GLB1: variants seen among roughly 807,000 people sequenced by gnomAD.
GLB1 encodes galactosidase beta 1.
GLB1 carries 56 observed loss-of-function variants against 74.0 expected under a neutral mutation model. The observed-to-expected ratio is 0.76, with a 90% CI of 0.61 to 0.94. The LOEUF is 0.94. Among genes scored for constraint, GLB1 ranks in the 40% least tolerant of loss-of-function variants. The probability of loss-of-function intolerance (pLI) is 0.00; values close to 1 mark genes in which losing one functional copy is unlikely to be tolerated. For synonymous variants in GLB1, 323 were observed against 323.6 expected, an observed-to-expected ratio of 1.00 and a Z score of 0.02; for missense variants, 787 against 845.5, an observed-to-expected ratio of 0.93 and a Z score of 0.86.
At chr3:33,029,335 A>G (rs1053734965) in intron 10 of GLB1, among the ~76,000 whole-genome samples, 2 of 152,230 alleles carry the variant, frequency 1.3e-5, no homozygotes, top group Non-Finnish European at 2.9e-5. Flanking sequence ...GGAATCCACT[A>G]GATTCAATGG....
At position 33,048,601 on chromosome 3, in the gene GLB1, C is replaced by A. The variant is rs567401792; in HGVS notation, c.956-2369G>T. Among the ~76,000 whole-genome samples, 214 of 152,298 alleles carry A rather than the reference C, an allele frequency of 1.4e-3. 1 individual carries two copies. Among genetic ancestry groups the A allele is most frequent in the African/African-American group, 5.1e-3 (211 of 41,576 alleles). ...CACTCCTGATGCCTTTCTCTCCCTGCTCTCCTCTAGGAAGCTGGCCTGAAG... is the reference window on the plus strand; with the variant it reads ...CACTCCTGATGCCTTTCTCTCCCTGATCTCCTCTAGGAAGCTGGCCTGAAG... On this transcript the variant is annotated intron_variant, in intron 9 of 15. Transcript: ENST00000307363.
At chr3:32,961,959 G>A in the GLB1 span, among the ~76,000 whole-genome samples, 1 of 152,338 alleles carries the variant, frequency 6.6e-6, no homozygotes, top group Admixed American at 6.5e-5. Flanking sequence ...ACTTTGGGAG[G>A]CCAAGGCAGG....
intron 14 of GLB1, among the ~76,000 whole-genome samples, chr3:33,014,754 G>A (rs1167138403): frequency 6.6e-6 from 1 of 152,168 alleles, no homozygotes; most frequent in African/African-American, 2.4e-5. Flanking sequence ...ATCACTTGAG[G>A]TTAGGAGTTC....
chr3:33,039,532 A>G (rs1698419106), intron 10 of GLB1, among the ~76,000 whole-genome samples: 1 of 152,172 alleles, frequency 6.6e-6, no homozygotes, highest in African/African-American at 2.4e-5. Flanking sequence ...TGAAAAGAGG[A>G]TTAATAAACT....
intron 15 of GLB1, among the ~76,000 whole-genome samples, chr3:33,010,310 G>A (rs1019078220): frequency 2.6e-5 from 4 of 151,940 alleles, no homozygotes; most frequent in Non-Finnish European, 2.9e-5. Context: ...TTTCATTTTG[G>A]TTTTGACTTG....
chr3:33,078,791 C>G (rs4613407), intron 1 of GLB1, among the ~76,000 whole-genome samples: 1 of 151,994 alleles, frequency 6.6e-6, no homozygotes. Flanking sequence ...TCAGTGTGAA[C>G]CTGGTTTGGA....
Position 33,045,517 on chromosome 3 carries a change from C to T in GLB1, c.1068+603G>A, listed in dbSNP as rs527866691. On this transcript the variant is annotated intron_variant, in intron 10 of 15. Coordinates refer to ENST00000307363, the MANE Select transcript of GLB1 (RefSeq NM_000404.4). ...AAAGGAAAATAGTTTATCTTCTTCTCTCTTGCAAATAAGGACGGAGTTATT... is the reference window on the plus strand; with the variant it reads ...AAAGGAAAATAGTTTATCTTCTTCTTTCTTGCAAATAAGGACGGAGTTATT... 1.7e-3 allele frequency: 1,718 copies of T among 988,288 alleles called. 1 individual carries two copies. Among genetic ancestry groups the T allele is most frequent in the Non-Finnish European group, 1.9e-3 (1,609 of 831,610 alleles). 61.2% of individuals were successfully genotyped at this position (988,288 alleles called of 1,614,324 possible).
At chr3:32,996,197 G>A (rs1159372289), downstream of GLB1, among the ~76,000 whole-genome samples, 1 of 152,116 alleles carries the variant, frequency 6.6e-6, no homozygotes, top group East Asian at 1.9e-4. Context: ...CTCAACAAAT[G>A]AGAGCTACTG....
intron 5 of GLB1, among the ~76,000 whole-genome samples, chr3:33,061,181 C>A (rs993726448): frequency 1.3e-5 from 2 of 152,072 alleles, no homozygotes; most frequent in Non-Finnish European, 2.9e-5. Flanking sequence ...GAGGCTGAGG[C>A]GGGTGGATCA....
In GLB1 at chr3:32,997,264, C is replaced by G; in HGVS notation, c.1815G>C (p.Gln605His). ...TTGGGGCCGAGGTCATCAGGATGTGCTGGGGCACAAACAAGGTCAACTGAG... is the reference window on the plus strand; with the variant it reads ...TTGGGGCCGAGGTCATCAGGATGTGGTGGGGCACAAACAAGGTCAACTGAG... ...RGPQLTLFVPQHILMTSAPNT... is the reference protein window; with the variant it reads ...RGPQLTLFVPHHILMTSAPNT... Residue 605 changes from glutamine (Q) to histidine (H), a missense_variant, in exon 16 of 16, where the codon CAG becomes CAC. By Grantham distance (24) the Gln-to-His change is conservative. Transcript: ENST00000307363. 1 of 1,614,190 alleles carries G rather than the reference C, an allele frequency of 6.2e-7. No homozygotes were observed. The highest frequency in any genetic ancestry group is 8.5e-7 in the Non-Finnish European group (1 of 1,180,038).
intron 10 of GLB1, among the ~76,000 whole-genome samples, chr3:33,025,622 CCG>C (rs1280370496): frequency 6.6e-6 from 1 of 150,612 alleles, no homozygotes; most frequent in East Asian, 2.0e-4. Flanking sequence ...AGGTCGTGGG[CCG>C]TGGCGGTGGG....
Position 32,999,199 on chromosome 3 carries a change from T to C in GLB1, c.1735-1855A>G, listed in dbSNP as rs575535584. ...CACAGTTCTCAGAACTATTTCACTC[T>C]TGTTTTTACCCTGGGATATGTTATC... On this transcript the variant is annotated intron_variant, in intron 15 of 15. Transcript: ENST00000307363. 7.9e-5 allele frequency among the ~76,000 whole-genome samples: 12 copies of C among 152,362 alleles called. No homozygotes were observed. In the South Asian group the frequency reaches 2.3e-3, roughly 29 times the overall value.
chr3:33,017,724 G>A (rs1697292390), intron 13 of GLB1, among the ~76,000 whole-genome samples: 1 of 152,142 alleles, frequency 6.6e-6, no homozygotes, highest in African/African-American at 2.4e-5. Context: ...TCTCATGTAG[G>A]ATAAAGGCAC....
chr3:33,084,099 A>G (rs558810266), intron 1 of GLB1, among the ~76,000 whole-genome samples: 13 of 152,148 alleles, frequency 8.5e-5, no homozygotes, highest in African/African-American at 2.6e-4. Flanking sequence ...AGCACCCTAC[A>G]CACCCCTACA....
chr3:32,966,976 C>T, the GLB1 span, among the ~76,000 whole-genome samples: 10 of 152,228 alleles, frequency 6.6e-5, no homozygotes, highest in African/African-American at 9.6e-5. Flanking sequence ...ATAAATTACC[C>T]GGTCTCTGGT....
chr3:33,025,926 TG>T (rs1697728277), intron 10 of GLB1, among the ~76,000 whole-genome samples: 2 of 152,098 alleles, frequency 1.3e-5, no homozygotes, highest in Non-Finnish European at 2.9e-5. Context: ...TTGCTGCTGC[TG>T]TGGAAAGGGT....
At chr3:33,019,939 G>A (rs1411540635) in intron 12 of GLB1, among the ~76,000 whole-genome samples, 4 of 152,084 alleles carry the variant, frequency 2.6e-5, no homozygotes, top group Non-Finnish European at 5.9e-5. Context: ...CAGGGCCCAG[G>A]AAGCCCCACC....
the GLB1 span, among the ~76,000 whole-genome samples, chr3:32,974,928 A>C: frequency 6.6e-6 from 1 of 152,176 alleles, no homozygotes; most frequent in East Asian, 1.9e-4. Flanking sequence ...TGTATGACCA[A>C]ATGTCTGCGC....
chr3:33,000,133 T>C (rs910167779), intron 15 of GLB1, among the ~76,000 whole-genome samples: 8 of 151,664 alleles, frequency 5.3e-5, no homozygotes, highest in African/African-American at 1.9e-4. Flanking sequence ...GAGATGAGGT[T>C]TCGCCATGTT....
Sources: allele counts gnomAD v4.1 joint callset (sites outside exome capture counted in the v4.1 genomes callset), GRCh38; gene constraint gnomAD v4.1.1; transcripts MANE v1.5; gene names NCBI Gene and HGNC (gene_info 2026-07-23, HGNC 2026-07-21).